Variants in TMCO4 observed in about 807,000 individuals in gnomAD.
The protein encoded by TMCO4 is transmembrane and coiled-coil domains 4, also known as transmembrane and coiled-coil domain-containing protein 4.
In TMCO4, 58 loss-of-function variants were observed where a neutral mutation model predicts 64.7. The observed-to-expected ratio is 0.90, with a 90% CI of 0.73 to 1.12. The LOEUF (loss-of-function observed/expected upper bound fraction) is 1.12. Among genes scored for constraint, TMCO4 ranks in the 50% most tolerant of loss-of-function variants. The probability of loss-of-function intolerance (pLI) is 0.00; values close to 1 mark genes in which losing one functional copy is unlikely to be tolerated. For synonymous variants in TMCO4, 325 were observed against 346.1 expected (o/e 0.94, Z 0.68); for missense variants, 780 against 825.9 (o/e 0.94, Z 0.68).
chr1:19,756,399 A>G (rs183363571), intron 6 of TMCO4, among the ~76,000 whole-genome samples: 333 of 152,342 alleles, frequency 2.2e-3, no homozygotes, highest in African/African-American at 7.6e-3. Context: ...TCTGGAGGGC[A>G]ACTGGACAAT....
chr1:19,773,865 T>C (rs2043093345), intron 4 of TMCO4, among the ~76,000 whole-genome samples: 1 of 152,110 alleles, frequency 6.6e-6, no homozygotes, highest in Non-Finnish European at 1.5e-5. Context: ...AGGGAGGCAG[T>C]GGAGGATGGG....
Position 19,739,946 on chromosome 1 carries a change from G to C in TMCO4, c.1057C>G (p.Leu353Val). ...CTGAGGAGTGAGGCTGGCCAGGTCA[G>C]GGCAGCCACAATGCCTGGGGAGGTG... ...YTVLSGIVAA[L>V]TWPASLLSVA... The change falls in exon 12 of 16, where the codon CTG becomes GTG. Residue 353 changes from leucine (L) to valine (V), a missense_variant. Leu to Val is a conservative substitution (Grantham distance 32, BLOSUM62 1). Transcript: ENST00000294543. The C allele has an allele frequency of 6.2e-7, 1 of 1,613,362 alleles. No homozygotes were observed.
At chr1:19,790,007 C>A (rs551765953) in intron 2 of TMCO4, among the ~76,000 whole-genome samples, 4 of 150,156 alleles carry the variant, frequency 2.7e-5, no homozygotes, top group Non-Finnish European at 4.4e-5. Context: ...GAGTTGAGAT[C>A]CTGCCACTGG....
rs145307558 is a variant in TMCO4 at position 19,741,428 on chromosome 1, G to C, written c.878-487C>G. ...TCTTGATTTAACAAACATGGCCTGG[G>C]AGATAGCTAGAAATTTGGGGAAGAG... On this transcript the variant is annotated intron_variant, in intron 10 of 15. Coordinates refer to ENST00000294543, the MANE Select transcript of TMCO4 (RefSeq NM_181719.7). 6.4e-3 allele frequency among the ~76,000 whole-genome samples: 969 copies of C among 152,334 alleles called. 20 individuals are homozygous for C. The highest frequency in any genetic ancestry group is 0.022 in the African/African-American group (914 of 41,574).
chr1:19,699,996 A>C (rs1024887941), intron 14 of TMCO4, among the ~76,000 whole-genome samples: 10 of 152,150 alleles, frequency 6.6e-5, no homozygotes, highest in Admixed American at 5.9e-4. Context: ...TGTGCTTCCA[A>C]ATCAAGAGCC....
At chr1:19,740,013 T>C (rs2095472135) in intron 11 of TMCO4, 53 bp from the exon 12 acceptor site, 11 of 1,553,504 alleles carry the variant, frequency 7.1e-6, no homozygotes, top group East Asian at 2.3e-5. Context: ...AGGGTCCTAC[T>C]AGGGAAGTGA....
rs2100496342 is a variant in TMCO4 at position 19,683,419 on chromosome 1, T to C, written c.1526A>G (p.Lys509Arg). 3 of 1,613,194 alleles carry C rather than the reference T, an allele frequency of 1.9e-6. No individual in the cohort carries two copies. In the East Asian group the frequency reaches 6.7e-5, roughly 36 times the overall value. ...GGCCTTCAGGATGGCATCCATCTGC[T>C]TGGCATAGTCCAGGTGGCCGCTGAC... ...SVVSGHLDYA[K>R]QMDAILKAVG... Residue 509 changes from lysine (K) to arginine (R), a missense_variant, in exon 16 of 16, where the codon AAG (lysine) becomes AGG (arginine). Transcript: ENST00000294543.
chr1:19,692,777 G>C (rs917791468), intron 15 of TMCO4, among the ~76,000 whole-genome samples: 5 of 151,728 alleles, frequency 3.3e-5, no homozygotes, highest in Admixed American at 6.6e-5. Flanking sequence ...TAAATAAATA[G>C]GCTTAGGGCA....
chr1:19,694,425 G>A lies in TMCO4; in HGVS notation c.1500+9C>T, dbSNP rs774186434. 63 of 1,611,636 alleles carry A rather than the reference G, an allele frequency of 3.9e-5. No individual in the cohort carries two copies. The Middle Eastern group carries it at 3.8e-3, about 97-fold the overall frequency. ...CGCAAAGCCCCAGGAGGAACAGGCC[G>A]ACACTCACCACAGAGGTCAGGTCCA... On this transcript the variant is annotated intron_variant, in intron 15 of 15. Transcript: ENST00000294543.
intron 10 of TMCO4, among the ~76,000 whole-genome samples, chr1:19,742,525 C>A (rs1007258041): frequency 1.3e-5 from 2 of 152,144 alleles, no homozygotes; most frequent in African/African-American, 2.4e-5. Flanking sequence ...TCTGGGGGGA[C>A]CCTGTCTCAG....
rs932870550 is a variant in TMCO4, at chr1:19,700,715, T to C, written c.1382+53A>G. On this transcript the variant is annotated intron_variant, in intron 14 of 15. Coordinates refer to ENST00000294543, the MANE Select transcript of TMCO4 (RefSeq NM_181719.7). The stretch of plus-strand genomic sequence containing the variant: ...TCCCCAACACAGAGCCTGGGCATAC[T>C]AAGTGCTCCGTAAGCATTGTCACTT... 5 of 1,443,450 alleles carry C rather than the reference T, an allele frequency of 3.5e-6. 1 individual carries two copies. In the Middle Eastern group the frequency reaches 5.2e-4, roughly 151 times the overall value. 89.4% of individuals were successfully genotyped at this position (1,443,450 alleles called of 1,614,324 possible).
intron 2 of TMCO4, among the ~76,000 whole-genome samples, chr1:19,793,727 G>A (rs565144139): frequency 1.3e-5 from 2 of 152,306 alleles, no homozygotes; most frequent in African/African-American, 4.8e-5. Flanking sequence ...GTCTGGAGGA[G>A]GGGCAGGAGG....
chr1:19,739,834 G>C lies in TMCO4; in HGVS notation c.1169C>G (p.Ser390Cys). ...VGKHLAHILLSRQQGRRPVTL... is the reference protein window; with the variant it reads ...VGKHLAHILLCRQQGRRPVTL... ...GCCATTCCCAGGTACCTGCTGCCGGGAGAGCAGGATGTGGGCCAGGTGCTT... is the reference window on the plus strand; with the variant it reads ...GCCATTCCCAGGTACCTGCTGCCGGCAGAGCAGGATGTGGGCCAGGTGCTT... Residue 390 changes from serine to cysteine, a missense_variant, in exon 12 of 16, where the codon TCC becomes TGC. Coordinates refer to ENST00000294543, the MANE Select transcript of TMCO4 (RefSeq NM_181719.7). 1 of 1,613,408 alleles carries C rather than the reference G, an allele frequency of 6.2e-7. No homozygotes were observed. Among genetic ancestry groups the C allele is most frequent in the Non-Finnish European group, 8.5e-7 (1 of 1,179,768 alleles).
chr1:19,758,118 C>T (rs148982496), intron 6 of TMCO4, among the ~76,000 whole-genome samples: 71 of 152,148 alleles, frequency 4.7e-4, no homozygotes, highest in African/African-American at 1.6e-3. Flanking sequence ...TGTGAGGGAC[C>T]ATTTACCATG....
At chr1:19,768,196 C>G (rs748111722) in intron 6 of TMCO4, among the ~76,000 whole-genome samples, 21 of 152,038 alleles carry the variant, frequency 1.4e-4, no homozygotes, top group African/African-American at 5.1e-4. Flanking sequence ...CACTGGAGGA[C>G]GAGATGAAAT....
At chr1:19,773,648 T>C (rs1315941256) in intron 4 of TMCO4, among the ~76,000 whole-genome samples, 2 of 152,116 alleles carry the variant, frequency 1.3e-5, no homozygotes, top group Non-Finnish European at 2.9e-5. Context: ...AGAGAGCATC[T>C]TGGGAAAGTG....
At chr1:19,773,570 G>A (rs2043080127) in intron 4 of TMCO4, among the ~76,000 whole-genome samples, 1 of 152,192 alleles carries the variant, frequency 6.6e-6, no homozygotes, top group Non-Finnish European at 1.5e-5. Context: ...AGACAGCTCA[G>A]GGCTGTGCTG....
At chr1:19,723,420 T>C (rs1217098464) in intron 13 of TMCO4, among the ~76,000 whole-genome samples, 1 of 152,182 alleles carries the variant, frequency 6.6e-6, no homozygotes, top group Admixed American at 6.6e-5. Flanking sequence ...CTGGAGCTTT[T>C]GGGTGGCTGA....
intron 15 of TMCO4, among the ~76,000 whole-genome samples, chr1:19,692,702 G>A (rs1310626202): frequency 1.3e-5 from 2 of 151,824 alleles, no homozygotes; most frequent in African/African-American, 2.4e-5. Context: ...AGCCGAGATC[G>A]CGCCATTGCA....
Sources: gnomAD v4.1 joint callset for allele counts (sites outside exome capture counted in the v4.1 genomes callset) on GRCh38, gnomAD v4.1.1 for gene constraint, MANE v1.5 for transcripts, NCBI Gene and HGNC (gene_info 2026-07-23, HGNC 2026-07-21) for gene names.